The following ASIC2 variants were observed in gnomAD, a reference collection of about 807,000 sequenced individuals.
ASIC2 encodes the protein acid-sensing ion channel 2.
A neutral mutation model predicts 57.3 loss-of-function variants in ASIC2; 25 were observed. That is an observed-to-expected ratio of 0.44 (90% CI 0.32 to 0.61). The LOEUF (loss-of-function observed/expected upper bound fraction) is 0.61, where lower values mean the gene tolerates loss of function less well. ASIC2 is among the 20% of genes least tolerant of loss of function. ASIC2 has a pLI of 0.06. For missense variants in ASIC2, 641 were observed against 738.1 expected, an observed-to-expected ratio of 0.87 and a Z score of 1.52; for synonymous variants, 319 against 307.5, an observed-to-expected ratio of 1.04 and a Z score of -0.39.
At chr17:33,641,008 T>C (rs1291950487) in intron 1 of ASIC2, among the ~76,000 whole-genome samples, 1 of 152,068 alleles carries the variant, frequency 6.6e-6, no homozygotes, top group Non-Finnish European at 1.5e-5. Flanking sequence ...ATAGACCCTA[T>C]GGGAGAAGGG....
At chr17:33,026,611 C>T (rs1326717216) in intron 4 of ASIC2, among the ~76,000 whole-genome samples, 2 of 152,174 alleles carry the variant, frequency 1.3e-5, no homozygotes, top group South Asian at 2.1e-4. Context: ...ACTGAGATGT[C>T]AGTATTAGTG....
At chr17:33,710,860 GC>G (rs1909010206) in intron 1 of ASIC2, among the ~76,000 whole-genome samples, 1 of 152,180 alleles carries the variant, frequency 6.6e-6, no homozygotes, top group Admixed American at 6.5e-5. Flanking sequence ...GTTAGTTGAA[GC>G]CTGCAGGCCC....
chr17:34,033,346 C>G (rs960173810), intron 1 of ASIC2, among the ~76,000 whole-genome samples: 2 of 152,108 alleles, frequency 1.3e-5, no homozygotes, highest in African/African-American at 4.8e-5. Context: ...ACCAGAATCT[C>G]TGGGACACAT....
At chr17:33,595,472 T>A (rs927214665) in intron 1 of ASIC2, among the ~76,000 whole-genome samples, 4 of 152,254 alleles carry the variant, frequency 2.6e-5, no homozygotes, top group African/African-American at 9.6e-5. Context: ...GGGCTTCTTT[T>A]GCCTTCCCAC....
chr17:33,209,519 C>G (rs781227014), intron 1 of ASIC2, among the ~76,000 whole-genome samples: 1 of 152,170 alleles, frequency 6.6e-6, no homozygotes, highest in Non-Finnish European at 1.5e-5. Context: ...GCATCCTTGA[C>G]CTCTATCCAC....
intron 1 of ASIC2, among the ~76,000 whole-genome samples, chr17:33,579,668 G>C (rs538000053): frequency 3.3e-5 from 5 of 152,132 alleles, no homozygotes; most frequent in Admixed American, 2.6e-4. Flanking sequence ...CTCCTGGTCT[G>C]GCAGACTTCT....
At chr17:33,850,914 A>G (rs542115986) in intron 1 of ASIC2, among the ~76,000 whole-genome samples, 1 of 152,138 alleles carries the variant, frequency 6.6e-6, no homozygotes, top group Non-Finnish European at 1.5e-5. Context: ...GTCCCAGCCC[A>G]TTAACCTGGG....
At chr17:33,666,577 G>A (rs963148210) in intron 1 of ASIC2, among the ~76,000 whole-genome samples, 1 of 152,154 alleles carries the variant, frequency 6.6e-6, no homozygotes, top group African/African-American at 2.4e-5. Context: ...GGAATCATCT[G>A]GAAGGCTTGA....
At chr17:34,022,936 C>T (rs975217953) in intron 1 of ASIC2, among the ~76,000 whole-genome samples, 30 of 152,056 alleles carry the variant, frequency 2.0e-4, no homozygotes, top group African/African-American at 7.0e-4. Context: ...AGTGAGTTCT[C>T]ATGATATCTG....
intron 1 of ASIC2, among the ~76,000 whole-genome samples, chr17:33,220,121 C>T (rs930567608): frequency 6.6e-5 from 10 of 152,134 alleles, no homozygotes; most frequent in African/African-American, 1.9e-4. Flanking sequence ...GGAAGAGACA[C>T]GAAGAAAACC....
chr17:33,728,058 C>T (rs1022792340), intron 1 of ASIC2, among the ~76,000 whole-genome samples: 3 of 152,192 alleles, frequency 2.0e-5, no homozygotes, highest in African/African-American at 7.2e-5. Flanking sequence ...GCAGCACATG[C>T]TCTGCCTGGA....
Position 33,911,817 on chromosome 17 carries a change from G to T in ASIC2, c.555+244161C>A, listed in dbSNP as rs533333608. On this transcript the variant is annotated intron_variant, in intron 1 of 9. Coordinates refer to the ASIC2 transcript ENST00000359872. ...AATACTACGCCATGTCAATCATTTC[G>T]CATTTTAAAAGCAGTGGATCGGCTG... Among the ~76,000 whole-genome samples, 13 of 152,150 alleles carry T rather than the reference G, an allele frequency of 8.5e-5. 1 individual carries two copies. In the South Asian group the frequency reaches 2.7e-3, roughly 32 times the overall value.
Position 33,436,850 on chromosome 17 carries a change from CTTCTTTTTTTTTTTTTT to C in ASIC2, c.556-324800_556-324784del, listed in dbSNP as rs1159086512. The stretch of plus-strand genomic sequence containing the variant: ...TGCAATGCCTTAAAACACATTCCAA[CTTCTTTTTTTTTTTTTT>C]TTTTTTTTTTTTTTTTGAGACGGAG... On this transcript the variant is annotated intron_variant, in intron 1 of 9. Transcript: ENST00000359872. 4.1e-3 allele frequency among the ~76,000 whole-genome samples: 315 copies of C among 76,034 alleles called. 3 individuals are homozygous for C. The highest frequency in any genetic ancestry group is 0.013 in the African/African-American group (287 of 22,722). 49.9% of individuals were successfully genotyped at this position (76,034 alleles called of 152,430 possible). A position where few individuals can be genotyped will look rare whatever the true frequency, so the allele number is the denominator to read the frequency against.
At chr17:33,310,475 T>C (rs1286185842) in intron 1 of ASIC2, among the ~76,000 whole-genome samples, 7 of 152,252 alleles carry the variant, frequency 4.6e-5, no homozygotes, top group African/African-American at 1.7e-4. Context: ...AGTGCCAAGA[T>C]TGCCTCCTTA....
At chr17:33,754,948 A>C (rs1910549157) in intron 1 of ASIC2, among the ~76,000 whole-genome samples, 1 of 109,790 alleles carries the variant, frequency 9.1e-6, no homozygotes, top group Non-Finnish European at 1.8e-5. Context: ...ACAGAGCGAG[A>C]CTCCATCTCA....
At chr17:33,638,496 G>A (rs1189584380) in intron 1 of ASIC2, among the ~76,000 whole-genome samples, 3 of 152,142 alleles carry the variant, frequency 2.0e-5, no homozygotes, top group Admixed American at 6.5e-5. Context: ...GTTGTCTGCC[G>A]AGGATGTAAC....
intron 1 of ASIC2, among the ~76,000 whole-genome samples, chr17:33,745,513 T>G (rs1273378797): frequency 1.1e-5 from 1 of 91,784 alleles, no homozygotes; most frequent in African/African-American, 3.4e-5. Flanking sequence ...AAAGTCAAAG[T>G]CAAAAAAAAA....
chr17:33,987,552 G>C (rs1905862463), intron 1 of ASIC2, among the ~76,000 whole-genome samples: 2 of 152,170 alleles, frequency 1.3e-5, no homozygotes, highest in Admixed American at 1.3e-4. Context: ...CAGAGGAGAT[G>C]ATGACTTGCT....
At chr17:33,375,456 C>A (rs1049185283) in intron 1 of ASIC2, among the ~76,000 whole-genome samples, 8 of 152,176 alleles carry the variant, frequency 5.3e-5, no homozygotes, top group Admixed American at 5.2e-4. Context: ...AAGATTCTTG[C>A]AGGCCTTTGT....
Sources: allele counts gnomAD v4.1 joint callset (sites outside exome capture counted in the v4.1 genomes callset), GRCh38; gene constraint gnomAD v4.1.1; transcripts MANE v1.5; gene names NCBI Gene and HGNC (gene_info 2026-07-23, HGNC 2026-07-21).